Variants in AMMECR1 observed in about 807,000 individuals in gnomAD.
AMMECR1 encodes the protein nuclear protein AMMECR1.
AMMECR1 carries 3 observed loss-of-function variants against 22.5 expected under a neutral mutation model. The ratio of observed to expected loss-of-function variants is 0.13; its 90% CI spans 0.06 to 0.35. The LOEUF (loss-of-function observed/expected upper bound fraction) is 0.35, where lower values mean the gene tolerates loss of function less well. AMMECR1 is among the 10% of genes least tolerant of loss of function. The pLI is 1.00. For missense variants in AMMECR1, 235 were observed against 278.7 expected, an observed-to-expected ratio of 0.84 and a Z score of 1.12; for synonymous variants, 130 against 116.7, an observed-to-expected ratio of 1.11 and a Z score of -0.74.
chrX:110,417,984 T>C (rs1022604728), intron 2 of AMMECR1, among the ~76,000 whole-genome samples: 2 of 112,799 alleles, frequency 1.8e-5, no homozygotes, highest in African/African-American at 6.4e-5. Flanking sequence ...GAATTGTGCC[T>C]GCAAAAGCTT....
intron 2 of AMMECR1, among the ~76,000 whole-genome samples, chrX:110,263,688 T>A (rs1235205358): frequency 8.9e-6 from 1 of 111,831 alleles, no homozygotes; most frequent in Non-Finnish European, 1.9e-5. Context: ...CAGGGAGCAA[T>A]TTCTTGTTGG....
At chrX:110,367,259 TCTC>T (rs1434103252) in intron 2 of AMMECR1, among the ~76,000 whole-genome samples, 1 of 111,961 alleles carries the variant, frequency 8.9e-6, no homozygotes, top group Non-Finnish European at 1.9e-5. Flanking sequence ...GCCCCATTTC[TCTC>T]CTCCTCAGAG....
At chrX:110,289,908 T>G (rs887442737) in intron 1 of AMMECR1, among the ~76,000 whole-genome samples, 1 of 111,670 alleles carries the variant, frequency 9.0e-6, no homozygotes, top group Admixed American at 9.5e-5. Flanking sequence ...AGCCAAGAAT[T>G]TATAGAACCA....
intron 1 of AMMECR1, chrX:110,307,315 A>G (rs1417464396): frequency 1.8e-5 from 2 of 111,386 alleles, no homozygotes; most frequent in Non-Finnish European, 3.8e-5. Flanking sequence ...CTGATAAACA[A>G]AAAATGGCTG....
At chrX:110,356,391 G>T (rs914495400) in intron 2 of AMMECR1, among the ~76,000 whole-genome samples, 2 of 109,868 alleles carry the variant, frequency 1.8e-5, no homozygotes, top group Non-Finnish European at 3.8e-5. Context: ...CTGACCTTAG[G>T]TGATCCACCT....
chrX:110,303,165 T>C (rs890398633), intron 1 of AMMECR1, among the ~76,000 whole-genome samples: 3 of 111,874 alleles, frequency 2.7e-5, no homozygotes, highest in Non-Finnish European at 5.6e-5. Flanking sequence ...CTTATCTGAA[T>C]TTCTCTAGAC....
At chrX:110,406,358 T>C (rs1197679820) in intron 2 of AMMECR1, among the ~76,000 whole-genome samples, 1 of 110,147 alleles carries the variant, frequency 9.1e-6, no homozygotes, top group Non-Finnish European at 1.9e-5. Flanking sequence ...CATGCGGTGT[T>C]TGGTTTTCTG....
At chrX:110,369,333 G>A (rs751244078) in intron 2 of AMMECR1, among the ~76,000 whole-genome samples, 41 of 110,918 alleles carry the variant, frequency 3.7e-4, no homozygotes, top group African/African-American at 1.3e-3. Flanking sequence ...TTCTGTCTCA[G>A]TAAAAGAAAA....
intron 2 of AMMECR1, among the ~76,000 whole-genome samples, chrX:110,414,632 A>C (rs1399327011): frequency 8.8e-6 from 1 of 113,001 alleles, no homozygotes; most frequent in Non-Finnish European, 1.9e-5. Flanking sequence ...AAGCCATCTC[A>C]TTCGTTTAGA....
intron 1 of AMMECR1, among the ~76,000 whole-genome samples, chrX:110,432,976 T>C (rs1038933531): frequency 6.2e-5 from 7 of 112,707 alleles, no homozygotes; most frequent in Non-Finnish European, 9.4e-5. Context: ...AGACAGTCAG[T>C]GGCAGACTTG....
intron 2 of AMMECR1, among the ~76,000 whole-genome samples, chrX:110,330,650 C>T (rs950460322): frequency 2.7e-5 from 3 of 111,880 alleles, no homozygotes; most frequent in African/African-American, 9.7e-5. Flanking sequence ...CAATCTGCAA[C>T]AGCTTGAAAA....
At chrX:110,321,716 A>G (rs750670196), upstream of AMMECR1, among the ~76,000 whole-genome samples, 1 of 111,559 alleles carries the variant, frequency 9.0e-6, no homozygotes, top group East Asian at 2.8e-4. Context: ...GGTTGTGGGT[A>G]AAAGGAGGAA....
intron 2 of AMMECR1, among the ~76,000 whole-genome samples, chrX:110,328,542 G>A (rs1397507248): frequency 3.0e-5 from 3 of 100,821 alleles, no homozygotes; most frequent in African/African-American, 1.1e-4. Context: ...AGGTATAGAC[G>A]TGCCATGGTG....
chrX:110,428,359 G>A (rs1488273468), intron 1 of AMMECR1, among the ~76,000 whole-genome samples: 2 of 111,990 alleles, frequency 1.8e-5, no homozygotes, highest in Non-Finnish European at 3.8e-5. Context: ...TGAACTGTAA[G>A]TAACTTGAGG....
chrX:110,296,102 C>G (rs929334645), intron 1 of AMMECR1, among the ~76,000 whole-genome samples: 4 of 112,213 alleles, frequency 3.6e-5, no homozygotes, highest in Non-Finnish European at 7.5e-5. Flanking sequence ...AACAGGTCTT[C>G]AGCAACAAAT....
chrX:110,377,758 C>T (rs999927561), intron 2 of AMMECR1, among the ~76,000 whole-genome samples: 2 of 110,484 alleles, frequency 1.8e-5, no homozygotes, highest in Non-Finnish European at 1.9e-5. Flanking sequence ...CATCTCAATC[C>T]CAGCACTTTG....
chrX:110,394,133 TCTTA>T (rs2148289462), intron 2 of AMMECR1, among the ~76,000 whole-genome samples: 1 of 113,063 alleles, frequency 8.8e-6, no homozygotes, highest in East Asian at 2.8e-4. Context: ...CAAATAATTC[TCTTA>T]CTTGTTTTTA....
chrX:110,222,825 A>G (rs2067511299), intron 2 of AMMECR1, among the ~76,000 whole-genome samples: 1 of 110,372 alleles, frequency 9.1e-6, no homozygotes, highest in Non-Finnish European at 1.9e-5. Context: ...GGAGAGGGAG[A>G]TAAAGGATAA....
At chrX:110,374,400 C>T (rs1000961242) in intron 2 of AMMECR1, among the ~76,000 whole-genome samples, 8 of 111,927 alleles carry the variant, frequency 7.1e-5, no homozygotes, top group Non-Finnish European at 1.5e-4. Context: ...GTATTTCTCT[C>T]AATCTGGACA....
Sources: gnomAD v4.1 joint callset for allele counts (sites outside exome capture counted in the v4.1 genomes callset) on GRCh38, gnomAD v4.1.1 for gene constraint, MANE v1.5 for transcripts, NCBI Gene and HGNC (gene_info 2026-07-23, HGNC 2026-07-21) for gene names.